The following BUB1B variants were observed in gnomAD, a reference collection of about 807,000 sequenced individuals.
BUB1B encodes the protein mitotic checkpoint serine/threonine-protein kinase BUB1 beta.
Under a neutral mutation model 137.7 loss-of-function variants are expected in BUB1B, and 86 were observed. The observed-to-expected ratio is 0.62, with a 90% CI of 0.52 to 0.75. BUB1B has a LOEUF of 0.75. BUB1B is among the 30% of genes least tolerant of loss of function. The pLI, the probability that BUB1B is intolerant of heterozygous loss-of-function variation, is 0.00. For synonymous variants in BUB1B, 420 were observed against 417.9 expected, an observed-to-expected ratio of 1.00 and a Z score of -0.06; for missense variants, 1,130 against 1,236.9, an observed-to-expected ratio of 0.91 and a Z score of 1.30.
At chr15:40,218,435 T>C (rs1192771682) in intron 21 of BUB1B, 21 bp from the exon 22 acceptor site, 4 of 1,562,976 alleles carry the variant, frequency 2.6e-6, no homozygotes, top group Non-Finnish European at 3.5e-6. Flanking sequence ...TTTTAGCTGA[T>C]GGTGCTTTTT....
chr15:40,172,121 AAAGT>A (rs1456211444), intron 4 of BUB1B, among the ~76,000 whole-genome samples: 2 of 151,256 alleles, frequency 1.3e-5, no homozygotes, highest in East Asian at 3.9e-4. Context: ...TTACTAAAAT[AAAGT>A]AATAAAGTAA....
chr15:40,182,970 A>G (rs1323129512), intron 5 of BUB1B, among the ~76,000 whole-genome samples: 1 of 152,014 alleles, frequency 6.6e-6, no homozygotes, highest in East Asian at 1.9e-4. Flanking sequence ...TTTTTTGTAT[A>G]TGGTCTATAG....
intron 14 of BUB1B, among the ~76,000 whole-genome samples, chr15:40,204,595 C>G (rs1242128292): frequency 1.3e-5 from 2 of 151,338 alleles, no homozygotes; most frequent in African/African-American, 2.4e-5. Flanking sequence ...ATCTATTTTA[C>G]TTTAATCACA....
chr15:40,195,882 C>T (rs1432108379), intron 8 of BUB1B, among the ~76,000 whole-genome samples: 1 of 152,098 alleles, frequency 6.6e-6, no homozygotes, highest in African/African-American at 2.4e-5. Flanking sequence ...GGATATTAGT[C>T]CTTTGTCGGA....
At chr15:40,220,300 A>G (rs1213390180) in intron 22 of BUB1B, among the ~76,000 whole-genome samples, 1 of 152,218 alleles carries the variant, frequency 6.6e-6, no homozygotes. Context: ...GCTATGTCTT[A>G]GTACACAGAG....
In BUB1B at chr15:40,220,799, A is replaced by G; in HGVS notation, c.*40A>G. On this transcript the variant is annotated 3_prime_UTR_variant, in exon 23 of 23. Coordinates refer to ENST00000287598, the MANE Select transcript of BUB1B (RefSeq NM_001211.6). ...TCTCACAGATTGCTGCCTCAGAGCA[A>G]TGGTTGTATTGTGGAACACTGAAAC... 6.3e-7 allele frequency: 1 copy of G among 1,585,706 alleles called. No individual in the cohort carries two copies. Among genetic ancestry groups the G allele is most frequent in the Non-Finnish European group, 8.7e-7 (1 of 1,154,254 alleles).
chr15:40,213,563 T>G (rs1595535549), intron 20 of BUB1B, 89 bp downstream of exon 20: 1 of 1,392,520 alleles, frequency 7.2e-7, no homozygotes, highest in Non-Finnish European at 1.0e-6. Flanking sequence ...GAGGCGAGGG[T>G]CTCACTCTGT....
At position 40,206,173 on chromosome 15, in the gene BUB1B, CT is replaced by C; in HGVS notation, c.1735-8del. 1 of 1,613,854 alleles carries C rather than the reference CT, an allele frequency of 6.2e-7. No homozygotes were observed. Among genetic ancestry groups the C allele is most frequent in the Non-Finnish European group, 8.5e-7 (1 of 1,179,922 alleles). ...ATATTTTAGCTAAACTTTATATGGTCTTTATTTCAGGATGAATTTACAGGAA... is the reference window on the plus strand; with the variant it reads ...ATATTTTAGCTAAACTTTATATGGTCTTATTTCAGGATGAATTTACAGGAA... On this transcript the variant is annotated splice_polypyrimidine_tract_variant and intron_variant, in intron 14 of 22. Coordinates refer to ENST00000287598, the MANE Select transcript of BUB1B (RefSeq NM_001211.6).
At chr15:40,169,929 C>A in intron 2 of BUB1B, 133 bp from the exon 3 acceptor site, 1 of 833,796 alleles carries the variant, frequency 1.2e-6, no homozygotes, top group African/African-American at 1.7e-5. Context: ...TATTCTATAA[C>A]AAACCCATAA....
chr15:40,217,446 T>G, intron 20 of BUB1B, 50 bp from the exon 21 acceptor site: 12 of 1,581,964 alleles, frequency 7.6e-6, no homozygotes, highest in South Asian at 1.1e-5. Context: ...GCTATGCAGC[T>G]TCTTTCATGG....
At chr15:40,165,994 A>T (rs1470782669) in intron 2 of BUB1B, among the ~76,000 whole-genome samples, 3 of 152,260 alleles carry the variant, frequency 2.0e-5, no homozygotes, top group Middle Eastern at 6.8e-3. Context: ...CTGGGATTAC[A>T]GGCGTGCGCC....
intron 4 of BUB1B, chr15:40,173,859 T>G (rs2037193835): frequency 2.7e-6 from 1 of 370,832 alleles, no homozygotes; most frequent in Non-Finnish European, 5.1e-6. Context: ...AGATGAATTC[T>G]TCACACTACT....
rs757885158 is a variant in BUB1B at position 40,212,519 on chromosome 15, A to G, written c.2406A>G (p.Pro802=). ...TVIKVSSQPV[P]WDFYINLKLK... is the part of the protein sequence containing the mutation. ...TACAGGTATCTTCTCAACCTGTCCC[A>G]TGGGACTTTTATATCAACCTCAAGT... Residue 802 remains proline, a synonymous_variant, in exon 19 of 23, where the codon CCA becomes CCG. Transcript: ENST00000287598. The G allele has an allele frequency of 5.6e-6, 9 of 1,612,742 alleles. No individual in the cohort carries two copies. The highest frequency in any genetic ancestry group is 2.2e-5 in the East Asian group (1 of 44,820).
intron 12 of BUB1B, 24 bp from the exon 13 acceptor site, chr15:40,202,381 T>C: frequency 6.4e-7 from 1 of 1,561,166 alleles, no homozygotes; most frequent in Non-Finnish European, 8.8e-7. Context: ...TCCTAGAGTA[T>C]GTATCTAGTC....
chr15:40,209,612 T>C, intron 16 of BUB1B, 23 bp from the exon 17 acceptor site: 2 of 1,614,038 alleles, frequency 1.2e-6, no homozygotes, highest in Non-Finnish European at 1.7e-6. Flanking sequence ...TGATATATTT[T>C]CACCTTTCCC....
intron 5 of BUB1B, among the ~76,000 whole-genome samples, chr15:40,182,481 C>T (rs1020386445): frequency 1.3e-5 from 2 of 152,154 alleles, no homozygotes; most frequent in Non-Finnish European, 2.9e-5. Context: ...CTGTTGGTTC[C>T]ACTGTCAGTT....
chr15:40,210,890 C>T (rs2037702649), intron 18 of BUB1B, among the ~76,000 whole-genome samples: 1 of 152,228 alleles, frequency 6.6e-6, no homozygotes, highest in South Asian at 2.1e-4. Context: ...CTTGTCCCCA[C>T]TATTCTGAAA....
intron 22 of BUB1B, 77 bp downstream of exon 22, chr15:40,218,639 G>A (rs1224806491): frequency 1.1e-5 from 12 of 1,112,946 alleles, no homozygotes. Flanking sequence ...CTCTGCTTTG[G>A]CAGCCTTAGT....
In BUB1B at chr15:40,209,792, T is replaced by G. The variant is rs13380241; in HGVS notation, c.2284+17T>G. On this transcript the variant is annotated intron_variant, in intron 17 of 22. Coordinates refer to ENST00000287598, the MANE Select transcript of BUB1B (RefSeq NM_001211.6). The stretch of plus-strand genomic sequence containing the variant: ...TTGAATTAGGTAAGTACCATTGAAC[T>G]CATGTCCTCTGGTTCATGACAGTAT... The G allele has an allele frequency of 0.015, 24,607 of 1,613,564 alleles. 2,977 individuals are homozygous for G. In the African/African-American group the frequency reaches 0.28, roughly 18 times the overall value.
Sources: allele counts gnomAD v4.1 joint callset (sites outside exome capture counted in the v4.1 genomes callset), GRCh38; gene constraint gnomAD v4.1.1; transcripts MANE v1.5; gene names NCBI Gene and HGNC (gene_info 2026-07-23, HGNC 2026-07-21).